CMIP: variants seen among roughly 807,000 people sequenced by gnomAD.
The protein encoded by CMIP is C-Maf-inducing protein.
In CMIP, 13 loss-of-function variants were observed where a neutral mutation model predicts 97.3. The ratio of observed to expected loss-of-function variants is 0.13; its 90% CI spans 0.09 to 0.21. CMIP has a LOEUF of 0.21. Among genes scored for constraint, CMIP ranks in the 10% least tolerant of loss-of-function variants. The probability of loss-of-function intolerance (pLI) is 1.00; values close to 1 mark genes in which losing one functional copy is unlikely to be tolerated. For missense variants in CMIP, 847 were observed against 1,024.9 expected, an observed-to-expected ratio of 0.83 and a Z score of 2.37; for synonymous variants, 538 against 436.3, an observed-to-expected ratio of 1.23 and a Z score of -2.91.
chr16:81,595,450 A>G (rs979652902), intron 1 of CMIP, among the ~76,000 whole-genome samples: 1 of 148,042 alleles, frequency 6.8e-6, no homozygotes, highest in Non-Finnish European at 1.5e-5. Context: ...GTGCAGTGAC[A>G]CAATCTGAGC....
rs1284126422 is a variant in CMIP, at chr16:81,652,258, T to C, written c.533T>C (p.Val178Ala). 6.2e-7 allele frequency: 1 copy of C among 1,613,750 alleles called. No individual in the cohort carries two copies. Reference protein sequence around the residue: ...VLSNPSRWEVVLKEIRTLVDM... With the variant: ...VLSNPSRWEVALKEIRTLVDM... ...AGTAACCCAAGCCGCTGGGAAGTTG[T>C]CTTGAAAGAGATCCGGACCCTGGTG... The change falls in exon 4 of 21, where the codon GTC (valine) becomes GCC (alanine). Residue 178 changes from valine to alanine, a missense_variant. Transcript: ENST00000537098. The surrounding 1 kb of genome is among the most constrained non-coding windows in gnomAD (Gnocchi z 5.2).
chr16:81,470,098 T>G (rs1907431959), intron 1 of CMIP, among the ~76,000 whole-genome samples: 1 of 152,234 alleles, frequency 6.6e-6, no homozygotes, highest in African/African-American at 2.4e-5. Flanking sequence ...ACAAACCACT[T>G]CCTCTACAAC....
intron 1 of CMIP, among the ~76,000 whole-genome samples, chr16:81,454,976 G>T (rs1906455296): frequency 6.6e-6 from 1 of 152,236 alleles, no homozygotes. Context: ...CATTCCGGGA[G>T]TCTGTGCAGT....
At chr16:81,701,407 G>A (rs3751859) in intron 15 of CMIP, among the ~76,000 whole-genome samples, 21,542 of 152,182 alleles carry the variant, frequency 0.14, 2,018 homozygotes, top group East Asian at 0.37. Flanking sequence ...GACACCGCAC[G>A]GTAAGCAGAT....
chr16:81,568,865 G>A (rs917135360), intron 1 of CMIP, among the ~76,000 whole-genome samples: 6 of 152,206 alleles, frequency 3.9e-5, no homozygotes, highest in African/African-American at 1.4e-4. Context: ...GTTGACAATT[G>A]AAGGGTTAAA....
intron 1 of CMIP, among the ~76,000 whole-genome samples, chr16:81,477,759 T>C (rs995858717): frequency 6.6e-6 from 1 of 152,222 alleles, no homozygotes; most frequent in Non-Finnish European, 1.5e-5. Flanking sequence ...GGCCCCTCCA[T>C]GTGGCTGCTC....
intron 7 of CMIP, among the ~76,000 whole-genome samples, chr16:81,669,737 C>T (rs1462460681): frequency 6.7e-6 from 1 of 150,052 alleles, no homozygotes; most frequent in Non-Finnish European, 1.5e-5. Context: ...TCACCTCCTT[C>T]CACACCCACC....
In CMIP at chr16:81,607,641, C is replaced by T. The variant is rs2091766647; in HGVS notation, c.375C>T (p.Ala125=). The part of the protein sequence containing the change: ...EDVQLLSWEN[A]PKYCLQLTIP... ...TTCAGCTGCTGTCCTGGGAGAATGC[C>T]CCGAAGTACTGTTTACAGCTCACGA... Residue 125 remains alanine, a synonymous_variant, in exon 2 of 21, where the codon GCC becomes GCT. Coordinates refer to ENST00000537098, the MANE Select transcript of CMIP (RefSeq NM_198390.3). 1.9e-6 allele frequency: 3 copies of T among 1,614,004 alleles called. No homozygotes were observed. Among genetic ancestry groups the T allele is most frequent in the Non-Finnish European group, 2.5e-6 (3 of 1,179,886 alleles).
At chr16:81,470,764 G>C (rs1439953773) in intron 1 of CMIP, among the ~76,000 whole-genome samples, 6 of 152,212 alleles carry the variant, frequency 3.9e-5, no homozygotes, top group Non-Finnish European at 1.5e-5. Context: ...AGCCAAAATT[G>C]GGATTTTGTA....
chr16:81,458,231 C>T (rs932528997), intron 1 of CMIP, among the ~76,000 whole-genome samples: 47 of 152,150 alleles, frequency 3.1e-4, no homozygotes, highest in Admixed American at 2.8e-3. Flanking sequence ...GACCCATCCA[C>T]GGCTGGGCAG....
chr16:81,596,218 T>A (rs936745165), intron 1 of CMIP, among the ~76,000 whole-genome samples: 1 of 152,080 alleles, frequency 6.6e-6, no homozygotes, highest in East Asian at 1.9e-4. Context: ...TTTTAAAAAA[T>A]CTTTCGGCCA....
At chr16:81,549,919 C>T (rs2090620366) in intron 1 of CMIP, among the ~76,000 whole-genome samples, 1 of 152,184 alleles carries the variant, frequency 6.6e-6, no homozygotes, top group Non-Finnish European at 1.5e-5. Flanking sequence ...GCTGTGTGTA[C>T]ATGCTTGTGC....
intron 12 of CMIP, 75 bp from the exon 13 acceptor site, chr16:81,693,364 C>T: frequency 6.4e-7 from 1 of 1,561,260 alleles, no homozygotes; most frequent in Non-Finnish European, 8.7e-7. Context: ...TCCTTGACAC[C>T]ATCCCCTCCC....
chr16:81,697,833 C>G (rs2151090608), intron 14 of CMIP: 1 of 152,452 alleles, frequency 6.6e-6, no homozygotes, highest in East Asian at 1.9e-4. Flanking sequence ...CTCATGCACT[C>G]CCTCGCCACT....
chr16:81,554,024 G>A (rs1466030774), intron 1 of CMIP, among the ~76,000 whole-genome samples: 1 of 152,236 alleles, frequency 6.6e-6, no homozygotes, highest in Non-Finnish European at 1.5e-5. Flanking sequence ...ACAGGAAGGC[G>A]AGGCTGCCCT....
intron 3 of CMIP, among the ~76,000 whole-genome samples, chr16:81,639,759 G>A (rs1200248262): frequency 2.6e-5 from 4 of 152,196 alleles, no homozygotes; most frequent in Admixed American, 6.5e-5. Context: ...AAGTCCTGAT[G>A]CATAGGTTCT....
intron 13 of CMIP, among the ~76,000 whole-genome samples, chr16:81,695,246 C>T (rs939779962): frequency 2.0e-5 from 3 of 152,246 alleles, no homozygotes; most frequent in African/African-American, 7.2e-5. Context: ...TTCCTCCTCA[C>T]TCTTCTTTCT....
At chr16:81,477,814 C>T (rs576556485) in intron 1 of CMIP, among the ~76,000 whole-genome samples, 1 of 152,218 alleles carries the variant, frequency 6.6e-6, no homozygotes, top group Non-Finnish European at 1.5e-5. Context: ...AAGTTCCTGC[C>T]ATTTTGCCTG....
chr16:81,639,624 C>G (rs2092279784), intron 3 of CMIP, among the ~76,000 whole-genome samples: 2 of 152,216 alleles, frequency 1.3e-5, no homozygotes, highest in African/African-American at 2.4e-5. Context: ...AATGGGTAGA[C>G]CACACCTTAT....
Sources: gnomAD v4.1 joint callset for allele counts (sites outside exome capture counted in the v4.1 genomes callset) on GRCh38, gnomAD v4.1.1 for gene constraint, Gnocchi (gnomAD v3.1) non-coding constraint, MANE v1.5 for transcripts, NCBI Gene and HGNC (gene_info 2026-07-23, HGNC 2026-07-21) for gene names.